The following ILDR1 variants were observed in gnomAD, a reference collection of about 807,000 sequenced individuals.
ILDR1 encodes the protein immunoglobulin-like domain-containing receptor 1.
A neutral mutation model predicts 62.4 loss-of-function variants in ILDR1; 56 were observed. The observed-to-expected ratio is 0.90, with a 90% CI of 0.72 to 1.12. The LOEUF is 1.12. ILDR1 is among the 50% of genes most tolerant of loss of function. The pLI, the probability that ILDR1 is intolerant of heterozygous loss-of-function variation, is 0.00. For missense variants in ILDR1, 736 were observed against 710.6 expected (o/e 1.04, Z -0.41); for synonymous variants, 284 against 277.8 (o/e 1.02, Z -0.22).
the ILDR1 span, among the ~76,000 whole-genome samples, chr3:122,049,562 T>C: frequency 6.6e-6 from 1 of 152,242 alleles, no homozygotes; most frequent in East Asian, 1.9e-4. Flanking sequence ...GTTCTGATGT[T>C]GGTGCATATA....
At chr3:122,040,493 A>C in the ILDR1 span, among the ~76,000 whole-genome samples, 1 of 151,904 alleles carries the variant, frequency 6.6e-6, no homozygotes, top group African/African-American at 2.4e-5. Context: ...AAACTGAAGA[A>C]AAACAGTAAA....
chr3:122,038,960 TATTA>T, the ILDR1 span, among the ~76,000 whole-genome samples: 27 of 152,188 alleles, frequency 1.8e-4, no homozygotes, highest in African/African-American at 6.5e-4. Flanking sequence ...TGTGTAAAAT[TATTA>T]ATTGCCAATT....
the ILDR1 span, among the ~76,000 whole-genome samples, chr3:122,044,859 A>G: frequency 2.0e-5 from 3 of 151,660 alleles, no homozygotes; most frequent in Admixed American, 6.6e-5. Context: ...TGATCCTTTC[A>G]AAAAACCAGC....
chr3:122,027,487 G>T, the ILDR1 span, among the ~76,000 whole-genome samples: 1 of 152,170 alleles, frequency 6.6e-6, no homozygotes, highest in East Asian at 1.9e-4. Flanking sequence ...ACTGCGCCTG[G>T]CCTGAAACTT....
chr3:122,007,765 C>T (rs533998263), intron 1 of ILDR1, among the ~76,000 whole-genome samples: 157 of 152,314 alleles, frequency 1.0e-3, no homozygotes, highest in Non-Finnish European at 1.9e-3. Flanking sequence ...CTTCCCTGGG[C>T]TAATTATGAT....
the ILDR1 span, among the ~76,000 whole-genome samples, chr3:122,047,251 C>A: frequency 1.3e-5 from 2 of 151,960 alleles, no homozygotes; most frequent in African/African-American, 4.8e-5. Flanking sequence ...GGTCAGGGAC[C>A]CACTTGAGAA....
chr3:122,022,136 C>T lies in ILDR1; in HGVS notation c.-59G>A. On this transcript the variant is annotated 5_prime_UTR_variant, in exon 1 of 8. Transcript: ENST00000344209. Reference sequence around the variant, plus strand: ...GCTTCGGGGCACTGCGTCTTTCTTCCTCAGCTGCCGCCCCAGGACGCACCA... The same window carrying T: ...GCTTCGGGGCACTGCGTCTTTCTTCTTCAGCTGCCGCCCCAGGACGCACCA... The T allele has an allele frequency of 6.9e-7, 1 of 1,447,240 alleles. No individual in the cohort carries two copies. The highest frequency in any genetic ancestry group is 2.4e-5 in the East Asian group (1 of 40,896). The allele number at this position is 1,447,240 out of a possible 1,614,324, so 89.6% of individuals were successfully genotyped here.
intron 5 of ILDR1, among the ~76,000 whole-genome samples, chr3:122,000,133 A>G (rs1352241356): frequency 3.9e-5 from 6 of 151,976 alleles, no homozygotes; most frequent in Non-Finnish European, 7.4e-5. Flanking sequence ...AACCTCAATG[A>G]TCTGAGACTT....
chr3:122,016,712 A>G (rs1335359720), intron 1 of ILDR1, among the ~76,000 whole-genome samples: 2 of 152,226 alleles, frequency 1.3e-5, no homozygotes, highest in African/African-American at 4.8e-5. Context: ...GATCTAATGG[A>G]GCTTCTTTGG....
chr3:121,994,203 T>C lies in ILDR1; in HGVS notation c.757A>G (p.Met253Val), dbSNP rs1448597520. Reference sequence around the variant, plus strand: ...TTACCTCGCTGCAGCAGCGGGTGCATTGGATAAGATGAAACCTGGGAGCTC... The same window carrying C: ...TTACCTCGCTGCAGCAGCGGGTGCACTGGATAAGATGAAACCTGGGAGCTC... Reference protein sequence around the residue: ...DRSSQVSSYPMHPLLQRDLSL... With the variant: ...DRSSQVSSYPVHPLLQRDLSL... Residue 253 changes from methionine (M) to valine (V), a missense_variant, in exon 6 of 8, where the codon ATG (methionine) becomes GTG (valine). Transcript: ENST00000344209. 2.0e-6 allele frequency: 3 copies of C among 1,536,032 alleles called. No homozygotes were observed. Among genetic ancestry groups the C allele is most frequent in the East Asian group, 2.4e-5 (1 of 40,904 alleles).
the ILDR1 span, among the ~76,000 whole-genome samples, chr3:122,033,724 C>T: frequency 6.6e-6 from 1 of 152,118 alleles, no homozygotes; most frequent in African/African-American, 2.4e-5. Context: ...ATTTTCTGAG[C>T]ACATTTTCAT....
chr3:121,994,395 C>T, intron 5 of ILDR1, 82 bp from the exon 6 acceptor site: 3 of 1,440,726 alleles, frequency 2.1e-6, no homozygotes, highest in Non-Finnish European at 1.8e-6. Context: ...CACCTAGGGG[C>T]CTTGCAAGAG....
chr3:122,015,953 C>T (rs2071770649), intron 1 of ILDR1, among the ~76,000 whole-genome samples: 2 of 152,066 alleles, frequency 1.3e-5, no homozygotes, highest in African/African-American at 4.8e-5. Context: ...TGCTGTTAGT[C>T]TCCCAATTCC....
At chr3:122,031,890 T>A in the ILDR1 span, among the ~76,000 whole-genome samples, 1 of 152,224 alleles carries the variant, frequency 6.6e-6, no homozygotes, top group Non-Finnish European at 1.5e-5. Flanking sequence ...CTGGCTACTT[T>A]CATGCCAAAT....
At position 121,993,172 on chromosome 3, in the gene ILDR1, T is replaced by G. The variant is rs778553516; in HGVS notation, c.1577A>C (p.Lys526Thr). 1.2e-5 allele frequency: 20 copies of G among 1,607,916 alleles called. No individual in the cohort carries two copies. The highest frequency in any genetic ancestry group is 1.7e-5 in the Non-Finnish European group (20 of 1,177,310). ...DITPGKNSRK[K>T]GSVERRSEKD... ...CACCGAGCGCCTCTCCACACTCCCTTTTTTCCTGCTATTCTTGCCTGGAGT... is the reference window on the plus strand; with the variant it reads ...CACCGAGCGCCTCTCCACACTCCCTGTTTTCCTGCTATTCTTGCCTGGAGT... The change falls in exon 7 of 8, where the codon AAA becomes ACA. Residue 526 changes from lysine to threonine, a missense_variant. Physicochemically the swap from Lys to Thr is moderately conservative, Grantham distance 78. Coordinates refer to ENST00000344209, the MANE Select transcript of ILDR1 (RefSeq NM_001199799.2).
the ILDR1 span, among the ~76,000 whole-genome samples, chr3:122,037,303 C>T: frequency 6.6e-6 from 1 of 152,220 alleles, no homozygotes; most frequent in Non-Finnish European, 1.5e-5. Flanking sequence ...CACTCAACAC[C>T]AGCCCATGAA....
chr3:122,043,055 C>T, the ILDR1 span, among the ~76,000 whole-genome samples: 24 of 143,906 alleles, frequency 1.7e-4, no homozygotes, highest in African/African-American at 3.7e-4. Context: ...TTAGGTCTAA[C>T]GTTTAAATCT....
intron 1 of ILDR1, among the ~76,000 whole-genome samples, chr3:122,008,271 T>A (rs1276507248): frequency 6.6e-6 from 1 of 152,230 alleles, no homozygotes; most frequent in Non-Finnish European, 1.5e-5. Flanking sequence ...CAGGCATACT[T>A]AAAGCTCCAG....
At chr3:122,019,699 G>A (rs1169058881) in intron 1 of ILDR1, among the ~76,000 whole-genome samples, 1 of 152,142 alleles carries the variant, frequency 6.6e-6, no homozygotes, top group African/African-American at 2.4e-5. Context: ...TTCATTAGGG[G>A]CCCCAAGCCA....
Sources: allele counts gnomAD v4.1 joint callset (sites outside exome capture counted in the v4.1 genomes callset), GRCh38; gene constraint gnomAD v4.1.1; transcripts MANE v1.5; gene names NCBI Gene and HGNC (gene_info 2026-07-23, HGNC 2026-07-21).